The following SMAD5 variants were observed in gnomAD, a reference collection of about 807,000 sequenced individuals.
SMAD5 encodes the protein SMAD family member 5, also known as MAD, mothers against decapentaplegic homolog 5.
In SMAD5, 9 loss-of-function variants were observed where a neutral mutation model predicts 43.1. The ratio of observed to expected loss-of-function variants is 0.21; its 90% CI spans 0.13 to 0.36. The LOEUF is 0.36. Among genes scored for constraint, SMAD5 ranks in the 10% least tolerant of loss-of-function variants. The pLI, the probability that SMAD5 is intolerant of heterozygous loss-of-function variation, is 1.00. For synonymous variants in SMAD5, 190 were observed against 192.4 expected (o/e 0.99, Z 0.10); for missense variants, 348 against 574.0 (o/e 0.61, Z 4.02).
At chr5:136,149,431 C>T (rs1239433851) in intron 2 of SMAD5, among the ~76,000 whole-genome samples, 1 of 150,538 alleles carries the variant, frequency 6.6e-6, no homozygotes, top group Non-Finnish European at 1.5e-5. Context: ...ATGTATATTC[C>T]TACTATCAAT....
intron 3 of SMAD5, 102 bp downstream of exon 3, chr5:136,154,265 T>C: frequency 1.4e-6 from 1 of 729,228 alleles, no homozygotes; most frequent in Non-Finnish European, 2.1e-6. Context: ...TTGTATTAGC[T>C]TTGTGTTTCC....
Position 136,174,637 on chromosome 5 carries a change from G to C in SMAD5, c.1254+5G>C. On this transcript the variant is annotated splice_donor_5th_base_variant and intron_variant, in intron 7 of 7. Coordinates refer to ENST00000545279, the MANE Select transcript of SMAD5 (RefSeq NM_005903.7). ...ATTCGGATGAGTTTTGTCAAGGTGAGTTGTGACCTCTAACATAATTTGAGT... is the reference window on the plus strand; with the variant it reads ...ATTCGGATGAGTTTTGTCAAGGTGACTTGTGACCTCTAACATAATTTGAGT... 6.3e-7 allele frequency: 1 copy of C among 1,599,980 alleles called. No homozygotes were observed. The highest frequency in any genetic ancestry group is 1.3e-5 in the African/African-American group (1 of 74,718).
At chr5:136,147,284 G>T (rs557115163) in intron 1 of SMAD5, 1 of 151,806 alleles carries the variant, frequency 6.6e-6, no homozygotes, top group Non-Finnish European at 1.5e-5. Context: ...TAGCACAAAT[G>T]TGAGAAGGTT....
intron 1 of SMAD5, among the ~76,000 whole-genome samples, chr5:136,135,831 C>T (rs542489900): frequency 4.6e-5 from 7 of 152,298 alleles, no homozygotes; most frequent in South Asian, 4.1e-4. Flanking sequence ...TACTTCTAGA[C>T]GATCTATATT....
intron 4 of SMAD5, among the ~76,000 whole-genome samples, chr5:136,161,721 A>T (rs771247170): frequency 6.6e-6 from 1 of 152,236 alleles, no homozygotes. Context: ...GGCATGTCAT[A>T]TATGGACATG....
Position 136,180,282 on chromosome 5 carries a change from T to C in SMAD5, c.*2802T>C, listed in dbSNP as rs1047909838. The C allele has an allele frequency of 6.6e-6, 1 of 152,198 alleles. No homozygotes were observed. The highest frequency in any genetic ancestry group is 2.4e-5 in the African/African-American group (1 of 41,472). The allele number at this position is 152,198 out of a possible 1,614,324, so 9.4% of individuals were successfully genotyped here. Reference sequence around the variant, plus strand: ...TTTTAGCAAATTATGGTTATATGTTTTAATTTAATCTACAGAATGTTTTAT... The same window carrying C: ...TTTTAGCAAATTATGGTTATATGTTCTAATTTAATCTACAGAATGTTTTAT... On this transcript the variant is annotated 3_prime_UTR_variant, in exon 8 of 8. Transcript: ENST00000545279.
intron 5 of SMAD5, among the ~76,000 whole-genome samples, chr5:136,165,681 T>A (rs1268028951): frequency 3.4e-4 from 48 of 141,406 alleles, no homozygotes; most frequent in East Asian, 1.4e-3. Context: ...TTTTTTTTTT[T>A]TTTTTTTTTT....
chr5:136,155,266 A>G (rs1580779339), intron 3 of SMAD5, among the ~76,000 whole-genome samples: 1 of 152,180 alleles, frequency 6.6e-6, no homozygotes, highest in African/African-American at 2.4e-5. Context: ...CTAATGCCCT[A>G]AACTGCAAGG....
chr5:136,148,469 G>A (rs1364420691), intron 2 of SMAD5, among the ~76,000 whole-genome samples: 1 of 151,596 alleles, frequency 6.6e-6, no homozygotes, highest in Admixed American at 6.6e-5. Context: ...TATAAAACAT[G>A]GAGAATCTTA....
Position 136,132,917 on chromosome 5 carries a change from G to C in SMAD5, c.-290G>C, listed in dbSNP as rs1752718662. The C allele has an allele frequency of 6.6e-6, 1 of 152,274 alleles. No individual in the cohort carries two copies. The highest frequency in any genetic ancestry group is 1.5e-5 in the Non-Finnish European group (1 of 68,072). The allele number at this position is 152,274 out of a possible 1,614,324, so 9.4% of individuals were successfully genotyped here. ...GCTGCTAATAAAGTTGCAGCGAGGA[G>C]AAGCGCAGCGACGGCGTCGGGAGAG... On this transcript the variant is annotated 5_prime_UTR_variant, in exon 1 of 8. Transcript: ENST00000545279.
chr5:136,177,188 A>G, intron 7 of SMAD5, 149 bp from the exon 8 acceptor site: 1 of 656,184 alleles, frequency 1.5e-6, no homozygotes, highest in Middle Eastern at 4.1e-4. Context: ...CATGGTGAAT[A>G]CTAAGACTGG....
intron 7 of SMAD5, among the ~76,000 whole-genome samples, chr5:136,174,844 T>A (rs1039920600): frequency 1.3e-5 from 2 of 152,202 alleles, no homozygotes; most frequent in Non-Finnish European, 2.9e-5. Flanking sequence ...AATGCATGAT[T>A]GATATTGATT....
At chr5:136,150,032 G>A (rs1320611180) in intron 2 of SMAD5, among the ~76,000 whole-genome samples, 2 of 151,724 alleles carry the variant, frequency 1.3e-5, no homozygotes, top group Admixed American at 6.6e-5. Context: ...CAGTACCATT[G>A]TATCTAGTTC....
chr5:136,176,031 T>C (rs1580804406), intron 7 of SMAD5, among the ~76,000 whole-genome samples: 1 of 152,202 alleles, frequency 6.6e-6, no homozygotes, highest in Admixed American at 6.5e-5. Flanking sequence ...TTCATCCCAG[T>C]AATTTCCAAC....
In SMAD5 at chr5:136,172,483, C is replaced by T; in HGVS notation, c.825C>T (p.Val275=). ...YEEPKHWCSI[V]YYELNNRVGE... ...AGCCTAAACATTGGTGTTCAATAGT[C>T]TACTATGAATTAAACAATCGTGTTG... The change falls in exon 6 of 8, where the codon GTC becomes GTT. Residue 275 remains valine, a synonymous_variant. Coordinates refer to ENST00000545279, the MANE Select transcript of SMAD5 (RefSeq NM_005903.7). The T allele has an allele frequency of 6.2e-7, 1 of 1,613,050 alleles. No homozygotes were observed. Among genetic ancestry groups the T allele is most frequent in the Non-Finnish European group, 8.5e-7 (1 of 1,179,220 alleles).
chr5:136,144,644 T>G (rs1017099020), intron 1 of SMAD5, among the ~76,000 whole-genome samples: 1 of 151,052 alleles, frequency 6.6e-6, no homozygotes, highest in Non-Finnish European at 1.5e-5. Context: ...TATATATTAT[T>G]CCCACTGGTG....
At chr5:136,173,575 T>G (rs1361541469) in intron 6 of SMAD5, among the ~76,000 whole-genome samples, 4 of 149,202 alleles carry the variant, frequency 2.7e-5, no homozygotes, top group South Asian at 2.2e-4. Flanking sequence ...TAGGCATTGA[T>G]TTTTTTTTTC....
At position 136,174,460 on chromosome 5, in the gene SMAD5, ACTTTCATCATGG is replaced by A; in HGVS notation, c.1091_1102del (p.His364_His367del). On this transcript the variant is annotated inframe_deletion, in exon 7 of 8. Transcript: ENST00000545279. ...ATATTTGTACAGAGTAGGAACTGCA[ACTTTCATCATGG>A]CTTTCATCCCACCACTGTCTGTAAG... The A allele has an allele frequency of 1.2e-6, 2 of 1,613,994 alleles. No individual in the cohort carries two copies. The highest frequency in any genetic ancestry group is 1.7e-6 in the Non-Finnish European group (2 of 1,179,858).
intron 3 of SMAD5, among the ~76,000 whole-genome samples, chr5:136,157,136 C>T (rs1753663096): frequency 6.6e-6 from 1 of 152,134 alleles, no homozygotes; most frequent in East Asian, 1.9e-4. Flanking sequence ...TTTTACAACC[C>T]TTTCAGTTTA....
Sources: allele counts gnomAD v4.1 joint callset (sites outside exome capture counted in the v4.1 genomes callset), GRCh38; gene constraint gnomAD v4.1.1; transcripts MANE v1.5; gene names NCBI Gene and HGNC (gene_info 2026-07-23, HGNC 2026-07-21).